CACNG4: variants seen among roughly 807,000 people sequenced by gnomAD.
CACNG4 encodes calcium voltage-gated channel auxiliary subunit gamma 4, also known as voltage-dependent calcium channel gamma-4 subunit.
Under a neutral mutation model 22.9 loss-of-function variants are expected in CACNG4, and 8 were observed. The observed-to-expected ratio is 0.35, with a 90% CI of 0.21 to 0.63. CACNG4 has a LOEUF of 0.63. Among genes scored for constraint, CACNG4 ranks in the 30% least tolerant of loss-of-function variants. CACNG4 has a pLI of 0.72. For synonymous variants in CACNG4, 188 were observed against 191.9 expected (o/e 0.98, Z 0.17); for missense variants, 357 against 455.4 (o/e 0.78, Z 1.97).
intron 1 of CACNG4, among the ~76,000 whole-genome samples, chr17:66,974,171 A>G (rs923298585): frequency 1.3e-5 from 2 of 152,222 alleles, no homozygotes; most frequent in African/African-American, 4.8e-5. Context: ...TAGTGTCCAC[A>G]GTACCGACTG....
In CACNG4 at chr17:67,031,753, C is replaced by A. The variant is rs1439090619; in HGVS notation, c.*749C>A. The A allele has an allele frequency of 4.4e-6, 2 of 456,744 alleles. No individual in the cohort carries two copies. The highest frequency in any genetic ancestry group is 3.1e-5 in the South Asian group (2 of 64,570). The allele number at this position is 456,744 out of a possible 1,614,324, so 28.3% of individuals were successfully genotyped here. A position where few individuals can be genotyped will look rare whatever the true frequency, so the allele number is the denominator to read the frequency against. On this transcript the variant is annotated 3_prime_UTR_variant, in exon 4 of 4. Coordinates refer to ENST00000262138, the MANE Select transcript of CACNG4 (RefSeq NM_014405.4). This position sits in a 1 kb window ranked among gnomAD's most constrained non-coding sequence, Gnocchi z 4.0. ...CTCACTCAGAATGGGCAGGACAGAC[C>A]CACTGACTGGACTTCAGAGTCTGGA...
At chr17:66,974,352 C>T (rs2035222992) in intron 1 of CACNG4, among the ~76,000 whole-genome samples, 1 of 152,142 alleles carries the variant, frequency 6.6e-6, no homozygotes, top group Non-Finnish European at 1.5e-5. Flanking sequence ...CTAGAAAAAA[C>T]GATGCCCCTT....
At chr17:67,007,045 G>A (rs990854871) in intron 1 of CACNG4, among the ~76,000 whole-genome samples, 11 of 151,994 alleles carry the variant, frequency 7.2e-5, no homozygotes, top group East Asian at 1.9e-4. Flanking sequence ...CATGGTGGCC[G>A]GTGCCTATAG....
chr17:67,030,936 T>A lies in CACNG4; in HGVS notation c.916T>A (p.Phe306Ile). ...GGCCAGCTTCCTGCAGGTGCATGAC[T>A]TTTTCCAGCAGGACCTGAAGGAAGG... ...QEASFLQVHD[F>I]FQQDLKEGFH... Residue 306 changes from phenylalanine to isoleucine, a missense_variant, in exon 4 of 4, where the codon TTT becomes ATT. Coordinates refer to ENST00000262138, the MANE Select transcript of CACNG4 (RefSeq NM_014405.4). The surrounding 1 kb of genome is among the most constrained non-coding windows in gnomAD (Gnocchi z 6.4). 1.2e-6 allele frequency: 2 copies of A among 1,613,494 alleles called. No homozygotes were observed. Among genetic ancestry groups the A allele is most frequent in the Non-Finnish European group, 1.7e-6 (2 of 1,179,964 alleles).
At chr17:67,028,421 CG>C (rs2035581293) in intron 3 of CACNG4, among the ~76,000 whole-genome samples, 1 of 152,082 alleles carries the variant, frequency 6.6e-6, no homozygotes, top group Non-Finnish European at 1.5e-5. Flanking sequence ...GGCATGGTGG[CG>C]GGTGCCTGTA....
intron 3 of CACNG4, among the ~76,000 whole-genome samples, chr17:67,025,400 G>A (rs926627228): frequency 2.6e-5 from 4 of 152,256 alleles, no homozygotes; most frequent in Admixed American, 2.6e-4. Context: ...GCCTGGCTGG[G>A]TCAGGCGGTC....
In CACNG4 at chr17:67,031,032, C is replaced by CAAGG; in HGVS notation, c.*28_*29insAAGG. The CAAGG allele has an allele frequency of 3.1e-6, 5 of 1,593,424 alleles. No homozygotes were observed. The highest frequency in any genetic ancestry group is 3.4e-6 in the Non-Finnish European group (4 of 1,168,520). ...CGCCTGCCCTTTCTCTCCGCTCCAG[C>CAAGG]CTCTCCCCAGAACGGCTCTTTTTGT... On this transcript the variant is annotated 3_prime_UTR_variant, in exon 4 of 4. Transcript: ENST00000262138. The surrounding 1 kb of genome is among the most constrained non-coding windows in gnomAD (Gnocchi z 4.0).
intron 1 of CACNG4, among the ~76,000 whole-genome samples, chr17:67,016,725 G>A (rs2035500805): frequency 6.6e-6 from 1 of 152,174 alleles, no homozygotes; most frequent in Non-Finnish European, 1.5e-5. Context: ...CGGGGGAAGG[G>A]GTTGTCTGAC....
intron 1 of CACNG4, among the ~76,000 whole-genome samples, chr17:66,998,789 A>T (rs556715288): frequency 6.6e-6 from 1 of 151,842 alleles, no homozygotes; most frequent in Admixed American, 6.6e-5. Flanking sequence ...CTGCTTCCTC[A>T]CCCCCACCCT....
chr17:67,013,461 A>T (rs1022564707), intron 1 of CACNG4, among the ~76,000 whole-genome samples: 3 of 152,182 alleles, frequency 2.0e-5, no homozygotes, highest in Non-Finnish European at 4.4e-5. Flanking sequence ...AAAACACTGG[A>T]CACATGTGGG....
intron 1 of CACNG4, among the ~76,000 whole-genome samples, chr17:66,974,969 C>T (rs959768429): frequency 1.0e-4 from 14 of 139,718 alleles, no homozygotes; most frequent in East Asian, 1.0e-3. Flanking sequence ...CCCACCCTGA[C>T]GCCGTGACTT....
chr17:67,021,587 G>C (rs2035532404), intron 2 of CACNG4: 1 of 152,304 alleles, frequency 6.6e-6, no homozygotes. Flanking sequence ...CACAGCCCAA[G>C]ATTTGAGGGG....
intron 1 of CACNG4, among the ~76,000 whole-genome samples, chr17:66,965,608 T>C (rs1354533042): frequency 2.0e-5 from 3 of 148,164 alleles, no homozygotes; most frequent in African/African-American, 5.0e-5. Context: ...GTGCTATTGC[T>C]ATGGGAACTG....
At chr17:66,977,016 G>C (rs1036069122) in intron 1 of CACNG4, among the ~76,000 whole-genome samples, 7 of 152,064 alleles carry the variant, frequency 4.6e-5, no homozygotes, top group Non-Finnish European at 1.0e-4. Context: ...AGTATCCCTC[G>C]GGGTTCCTTT....
At chr17:66,994,840 G>A (rs927772747) in intron 1 of CACNG4, among the ~76,000 whole-genome samples, 2 of 152,168 alleles carry the variant, frequency 1.3e-5, no homozygotes, top group African/African-American at 2.4e-5. Context: ...GGAGGGGGAG[G>A]GAGTGAGAGG....
chr17:66,988,270 A>G (rs2035316612), intron 1 of CACNG4, among the ~76,000 whole-genome samples: 2 of 152,026 alleles, frequency 1.3e-5, no homozygotes, highest in African/African-American at 4.8e-5. Flanking sequence ...ACACGCATCA[A>G]GGCTCAGCGC....
At chr17:66,976,277 G>C (rs2035235515) in intron 1 of CACNG4, among the ~76,000 whole-genome samples, 1 of 152,022 alleles carries the variant, frequency 6.6e-6, no homozygotes, top group African/African-American at 2.4e-5. Flanking sequence ...GCCTCGGTTT[G>C]CTCGGCTGTC....
At chr17:66,978,486 C>T (rs1414153927) in intron 1 of CACNG4, among the ~76,000 whole-genome samples, 1 of 152,172 alleles carries the variant, frequency 6.6e-6, no homozygotes, top group Non-Finnish European at 1.5e-5. Flanking sequence ...CTCCCCCACA[C>T]ACCAAAGCAC....
At chr17:67,016,223 A>G (rs1426695159) in intron 1 of CACNG4, among the ~76,000 whole-genome samples, 1 of 152,142 alleles carries the variant, frequency 6.6e-6, no homozygotes, top group Non-Finnish European at 1.5e-5. Context: ...GGCTCTGCCC[A>G]TTCTACAGAT....
Sources: gnomAD v4.1 joint callset for allele counts (sites outside exome capture counted in the v4.1 genomes callset) on GRCh38, gnomAD v4.1.1 for gene constraint, Gnocchi (gnomAD v3.1) non-coding constraint, MANE v1.5 for transcripts, NCBI Gene and HGNC (gene_info 2026-07-23, HGNC 2026-07-21) for gene names.